The following GPR34 variants were observed in gnomAD, a reference collection of about 807,000 sequenced individuals.
GPR34 encodes the protein G protein-coupled receptor 34.
Under a neutral mutation model 14.1 loss-of-function variants are expected in GPR34, and 3 were observed. The ratio of observed to expected loss-of-function variants is 0.21; its 90% CI spans 0.10 to 0.55. The LOEUF (loss-of-function observed/expected upper bound fraction) is 0.55. Among genes scored for constraint, GPR34 ranks in the 20% least tolerant of loss-of-function variants. The probability of loss-of-function intolerance (pLI) is 0.94; values close to 1 mark genes in which losing one functional copy is unlikely to be tolerated. For missense variants in GPR34, 213 were observed against 292.8 expected, an observed-to-expected ratio of 0.73 and a Z score of 1.99; for synonymous variants, 99 against 99.9, an observed-to-expected ratio of 0.99 and a Z score of 0.05.
In GPR34 at chrX:41,695,977, T is replaced by C. The variant is rs757295507; in HGVS notation, c.344T>C (p.Ile115Thr). ...FCLPFRIMYH[I>T]NQNKWTLGVI... is the part of the protein sequence containing the mutation. ...CTCCCTTTCCGAATAATGTATCATATTAACCAAAACAAGTGGACACTAGGT... is the reference window on the plus strand; with the variant it reads ...CTCCCTTTCCGAATAATGTATCATACTAACCAAAACAAGTGGACACTAGGT... Residue 115 changes from isoleucine to threonine, a missense_variant, in exon 3 of 3, where the codon ATT (isoleucine) becomes ACT (threonine). Ile to Thr is a moderately conservative substitution (Grantham distance 89). Transcript: ENST00000378142. 2.5e-6 allele frequency: 3 copies of C among 1,207,501 alleles called. No homozygotes were observed. In the African/African-American group the frequency reaches 5.2e-5, roughly 21 times the overall value.
chrX:41,692,743 C>A (rs971345630), intron 2 of GPR34, among the ~76,000 whole-genome samples: 7 of 111,989 alleles, frequency 6.3e-5, no homozygotes, highest in African/African-American at 2.3e-4. Context: ...CCAGGTGAGA[C>A]CCTACCAGCC....
Position 41,696,701 on chromosome X carries a change from T to C in GPR34, c.1068T>C (p.Thr356=), listed in dbSNP as rs146248981. 5.8e-6 allele frequency: 7 copies of C among 1,207,280 alleles called. No homozygotes were observed. The South Asian group carries it at 7.1e-5, about 12-fold the overall frequency. ...FQGEPSRSES[T]SEFKPGYSLH... The stretch of plus-strand genomic sequence containing the variant: ...GTGAACCAAGTAGGAGTGAAAGCAC[T>C]TCAGAATTTAAACCAGGATACTCCC... Residue 356 remains threonine, a synonymous_variant, in exon 3 of 3, where the codon ACT becomes ACC. Coordinates refer to ENST00000378142, the MANE Select transcript of GPR34 (RefSeq NM_001097579.2).
chrX:41,695,696 C>T lies in GPR34; in HGVS notation c.63C>T (p.His21=), dbSNP rs1452220149. 1 of 1,203,133 alleles carries T rather than the reference C, an allele frequency of 8.3e-7. No individual in the cohort carries two copies. Among genetic ancestry groups the T allele is most frequent in the African/African-American group, 1.8e-5 (1 of 56,787 alleles). The change falls in exon 3 of 3, where the codon CAC becomes CAT. Residue 21 remains histidine, a synonymous_variant. Transcript: ENST00000378142. ...TCAGCAGCTGGCCTTACTCCTCCCA[C>T]AGAATGCGCTTTATAACCAATCATA... ...TSVSSWPYSS[H]RMRFITNHSD... is the part of the protein sequence containing the mutation.
intron 2 of GPR34, among the ~76,000 whole-genome samples, chrX:41,694,202 GTTC>G: frequency 8.9e-6 from 1 of 112,627 alleles, no homozygotes; most frequent in African/African-American, 3.2e-5. Flanking sequence ...CCAGGATTAA[GTTC>G]TTCTTATGCA....
Position 41,696,087 on chromosome X carries a change from C to T in GPR34, c.454C>T (p.Arg152Cys), listed in dbSNP as rs1000860910. ...TTTGCTTGGATTCATCAGTTTGGAT[C>T]GCTATATAAAAATTAATCGGTCTAT... ...IILLGFISLD[R>C]YIKINRSIQQ... The change falls in exon 3 of 3, where the codon CGC becomes TGC. Residue 152 changes from arginine (R) to cysteine (C), a missense_variant. Coordinates refer to ENST00000378142, the MANE Select transcript of GPR34 (RefSeq NM_001097579.2). The T allele has an allele frequency of 3.3e-6, 4 of 1,199,112 alleles. No homozygotes were observed. The highest frequency in any genetic ancestry group is 1.8e-5 in the South Asian group (1 of 56,173).
At chrX:41,690,702 C>A (rs1337446086) in intron 2 of GPR34, among the ~76,000 whole-genome samples, 1 of 102,961 alleles carries the variant, frequency 9.7e-6, no homozygotes, top group African/African-American at 3.6e-5. Context: ...GAGACAAGGT[C>A]TTACTCCGTC....
At chrX:41,690,378 G>A (rs147492317) in intron 2 of GPR34, among the ~76,000 whole-genome samples, 8 of 109,965 alleles carry the variant, frequency 7.3e-5, no homozygotes, top group East Asian at 2.8e-4. Context: ...ACAGACTCTC[G>A]CTCTGTTGCC....
chrX:41,690,408 A>C (rs771180164), intron 2 of GPR34, among the ~76,000 whole-genome samples: 13 of 110,530 alleles, frequency 1.2e-4, no homozygotes, highest in African/African-American at 4.3e-4. Context: ...GTACAGTGGC[A>C]TGAACACAGC....
chrX:41,694,904 A>T (rs1386165575), intron 2 of GPR34, among the ~76,000 whole-genome samples: 2 of 112,201 alleles, frequency 1.8e-5, no homozygotes, highest in Non-Finnish European at 3.8e-5. Context: ...TACATGTCAA[A>T]ATGAATGAAT....
chrX:41,692,280 C>G (rs1290658000), intron 2 of GPR34, among the ~76,000 whole-genome samples: 1 of 111,913 alleles, frequency 8.9e-6, no homozygotes, highest in Non-Finnish European at 1.9e-5. Context: ...GTGCCTGAAA[C>G]CCATTCCAGA....
chrX:41,691,283 T>G (rs2067551885), intron 2 of GPR34, among the ~76,000 whole-genome samples: 1 of 111,878 alleles, frequency 8.9e-6, no homozygotes, highest in South Asian at 3.7e-4. Context: ...ATCATTCTGA[T>G]GAATGATTTG....
chrX:41,695,736 C>G lies in GPR34; in HGVS notation c.103C>G (p.Gln35Glu), dbSNP rs369375466. Residue 35 changes from glutamine (Q) to glutamate (E), a missense_variant, in exon 3 of 3, where the codon CAA becomes GAA. By Grantham distance (29) the Gln-to-Glu change is conservative. Transcript: ENST00000378142. ...FITNHSDQPPQNFSATPNVTT... is the reference protein window; with the variant it reads ...FITNHSDQPPENFSATPNVTT... ...AACCAATCATAGCGACCAACCGCCA[C>G]AAAACTTCTCAGCAACACCAAATGT... 1 of 1,209,283 alleles carries G rather than the reference C, an allele frequency of 8.3e-7. No individual in the cohort carries two copies.
At position 41,697,009 on chromosome X, in the gene GPR34, T is replaced by C; in HGVS notation, c.*230T>C. 1 of 276,239 alleles carries C rather than the reference T, an allele frequency of 3.6e-6. No homozygotes were observed. Among genetic ancestry groups the C allele is most frequent in the Non-Finnish European group, 6.7e-6 (1 of 149,873 alleles). 22.8% of individuals were successfully genotyped at this position (276,239 alleles called of 1,213,427 possible). On this transcript the variant is annotated 3_prime_UTR_variant, in exon 3 of 3. Transcript: ENST00000378142. Reference sequence around the variant, plus strand: ...AAGCTAATACTCTTAACATAGATTATGAAGTTAAGTGAAATTTATGGCTCT... The same window carrying C: ...AAGCTAATACTCTTAACATAGATTACGAAGTTAAGTGAAATTTATGGCTCT...
intron 2 of GPR34, among the ~76,000 whole-genome samples, chrX:41,695,245 TAC>T (rs1224649411): frequency 6.3e-5 from 7 of 110,986 alleles, no homozygotes; most frequent in Non-Finnish European, 9.4e-5. Context: ...TGTTACTACA[TAC>T]AGTAGGATAA....
At chrX:41,693,898 C>G (rs1360656210) in intron 2 of GPR34, among the ~76,000 whole-genome samples, 1 of 111,639 alleles carries the variant, frequency 9.0e-6, no homozygotes, top group East Asian at 2.8e-4. Context: ...TTAATGTTAC[C>G]CTCTACCAAA....
chrX:41,696,093 A>G lies in GPR34; in HGVS notation c.460A>G (p.Ile154Val). The change falls in exon 3 of 3, where the codon ATA (isoleucine) becomes GTA (valine). Residue 154 changes from isoleucine (I) to valine (V), a missense_variant. Ile to Val is a conservative substitution (Grantham distance 29). Transcript: ENST00000378142. Reference sequence around the variant, plus strand: ...TGGATTCATCAGTTTGGATCGCTATATAAAAATTAATCGGTCTATACAGCA... The same window carrying G: ...TGGATTCATCAGTTTGGATCGCTATGTAAAAATTAATCGGTCTATACAGCA... Reference protein sequence around the residue: ...LLGFISLDRYIKINRSIQQRK... With the variant: ...LLGFISLDRYVKINRSIQQRK... 8.3e-7 allele frequency: 1 copy of G among 1,204,712 alleles called. No individual in the cohort carries two copies. Among genetic ancestry groups the G allele is most frequent in the Non-Finnish European group, 1.1e-6 (1 of 889,736 alleles).
At chrX:41,691,559 T>C (rs1209754077) in intron 2 of GPR34, among the ~76,000 whole-genome samples, 1 of 110,663 alleles carries the variant, frequency 9.0e-6, no homozygotes, top group Non-Finnish European at 1.9e-5. Context: ...GGCACTGTCA[T>C]TTAAGAGTTG....
Position 41,696,754 on chromosome X carries a change from T to C in GPR34, c.1121T>C (p.Ile374Thr). ...SLHDTSVAVKIQSSSKST is the reference protein window; with the variant it reads ...SLHDTSVAVKTQSSSKST Reference sequence around the variant, plus strand: ...CATGATACATCTGTGGCAGTGAAAATACAGTCTAGTTCTAAAAGTACTTGA... The same window carrying C: ...CATGATACATCTGTGGCAGTGAAAACACAGTCTAGTTCTAAAAGTACTTGA... Residue 374 changes from isoleucine (I) to threonine (T), a missense_variant, in exon 3 of 3, where the codon ATA becomes ACA. Coordinates refer to ENST00000378142, the MANE Select transcript of GPR34 (RefSeq NM_001097579.2). 1 of 1,187,753 alleles carries C rather than the reference T, an allele frequency of 8.4e-7. No homozygotes were observed. Among genetic ancestry groups the C allele is most frequent in the Non-Finnish European group, 1.1e-6 (1 of 879,445 alleles).
chrX:41,695,003 T>C (rs883522), intron 2 of GPR34, among the ~76,000 whole-genome samples: 1,240 of 112,258 alleles, frequency 0.011, 22 homozygotes, highest in African/African-American at 0.038. Context: ...TGGCTGTACA[T>C]ACCTTTAGAG....
Sources: gnomAD v4.1 joint callset for allele counts (sites outside exome capture counted in the v4.1 genomes callset) on GRCh38, gnomAD v4.1.1 for gene constraint, MANE v1.5 for transcripts, NCBI Gene and HGNC (gene_info 2026-07-23, HGNC 2026-07-21) for gene names.